Variants in DEPDC1 observed in about 807,000 individuals in gnomAD.
The protein encoded by DEPDC1 is DEP domain containing 1.
In DEPDC1, 66 loss-of-function variants were observed where a neutral mutation model predicts 86.8. That is an observed-to-expected ratio of 0.76 (90% CI 0.62 to 0.93). The LOEUF (loss-of-function observed/expected upper bound fraction) is 0.93. Ranked by LOEUF, DEPDC1 falls within the 40% of genes least tolerant of loss-of-function variation. The pLI, the probability that DEPDC1 is intolerant of heterozygous loss-of-function variation, is 0.00. For synonymous variants in DEPDC1, 255 were observed against 314.9 expected (o/e 0.81, Z 2.02); for missense variants, 792 against 935.7 (o/e 0.85, Z 2.00).
In DEPDC1 at chr1:68,494,561, G is replaced by T. The variant is rs773826271; in HGVS notation, c.183C>A (p.Ser61Arg). 6.2e-7 allele frequency: 1 copy of T among 1,613,692 alleles called. No individual in the cohort carries two copies. The highest frequency in any genetic ancestry group is 1.1e-5 in the South Asian group (1 of 91,066). The stretch of plus-strand genomic sequence containing the variant: ...GCCTTGTAACTTCAGGACCAAAATT[G>T]CTATTATTTCTTAATAGGTCATAAA... ...DWLYDLLRNN[S>R]NFGPEVTRQQ... Residue 61 changes from serine to arginine, a missense_variant, in exon 2 of 12, where the codon AGC becomes AGA. By Grantham distance (110) the Ser-to-Arg change is moderately radical. Coordinates refer to ENST00000456315, the MANE Select transcript of DEPDC1 (RefSeq NM_001114120.3).
chr1:68,496,539 T>C lies in DEPDC1; in HGVS notation c.48+413A>G. 1 of 181,272 alleles carries C rather than the reference T, an allele frequency of 5.5e-6. No homozygotes were observed. The highest frequency in any genetic ancestry group is 1.1e-5 in the Non-Finnish European group (1 of 87,822). 11.2% of individuals were successfully genotyped at this position (181,272 alleles called of 1,614,324 possible). ...TAAACAAAATTGCCACATTCGGGCT[T>C]GCCCCCCACCTAACCCTACAAAGCT... On this transcript the variant is annotated intron_variant, in intron 1 of 11. Transcript: ENST00000456315. This position sits in a 1 kb window ranked among gnomAD's most constrained non-coding sequence, Gnocchi z 4.0.
chr1:68,484,010 G>A lies in DEPDC1; in HGVS notation c.850C>T (p.Leu284=), dbSNP rs750265090. ...DVFRTIADYF[L]DLPEPLLTFE... ...GTAAGTAGAGGTTCAGGGAGATCTA[G>A]AAAATAATCTGCGATTGTTCTGAAT... The change falls in exon 7 of 12, where the codon CTA becomes TTA. Residue 284 remains leucine, a synonymous_variant. Coordinates refer to ENST00000456315, the MANE Select transcript of DEPDC1 (RefSeq NM_001114120.3). 6.3e-7 allele frequency: 1 copy of A among 1,575,382 alleles called. No individual in the cohort carries two copies. Among genetic ancestry groups the A allele is most frequent in the East Asian group, 2.3e-5 (1 of 43,890 alleles).
chr1:68,483,406 C>G (rs2100254013), intron 7 of DEPDC1: 1 of 479,060 alleles, frequency 2.1e-6, no homozygotes, highest in East Asian at 5.7e-5. Flanking sequence ...GAATTTTCAT[C>G]ACCAACTACA....
At chr1:68,478,000 G>A in intron 10 of DEPDC1, 28 bp from the exon 11 acceptor site, 1 of 1,429,276 alleles carries the variant, frequency 7.0e-7, no homozygotes, top group Non-Finnish European at 9.3e-7. Flanking sequence ...ATATAACTCT[G>A]TTAATTCTGG....
chr1:68,482,642 C>A lies in DEPDC1; in HGVS notation c.1166G>T (p.Arg389Ile), dbSNP rs375196214. 22 of 1,612,678 alleles carry A rather than the reference C, an allele frequency of 1.4e-5. No individual in the cohort carries two copies. The highest frequency in any genetic ancestry group is 1.6e-4 in the Middle Eastern group (1 of 6,068). The change falls in exon 8 of 12, where the codon AGA (arginine) becomes ATA (isoleucine). Residue 389 changes from arginine to isoleucine, a missense_variant. Arg to Ile is a moderately conservative substitution (Grantham distance 97, BLOSUM62 -3). Coordinates refer to ENST00000456315, the MANE Select transcript of DEPDC1 (RefSeq NM_001114120.3). ...KMQLVNLRNR[R>I]VSANDIMGGS... ...TCCCATTATGTCATTAGCACTCACT[C>A]TTCTGTTTCTTAAATTAACTAGCTG...
intron 5 of DEPDC1, among the ~76,000 whole-genome samples, chr1:68,487,651 C>T (rs533569179): frequency 2.2e-4 from 34 of 151,870 alleles, no homozygotes; most frequent in Non-Finnish European, 3.2e-4. Flanking sequence ...CCTTTTGCTC[C>T]TACAATTAAA....
In DEPDC1 at chr1:68,482,752, T is replaced by G; in HGVS notation, c.1056A>C (p.Arg352Ser). The change falls in exon 8 of 12, where the codon AGA (arginine) becomes AGC (serine). Residue 352 changes from arginine to serine, a missense_variant. Physicochemically the swap from Arg to Ser is moderately radical, Grantham distance 110. Coordinates refer to ENST00000456315, the MANE Select transcript of DEPDC1 (RefSeq NM_001114120.3). ...TECLLLSLLH[R>S]EKNKEESDST... ...AATCTGATTCTTCTTTGTTTTTTTC[T>G]CTATGAAGCAGACTGAGAAGAAGGC... 6.2e-7 allele frequency: 1 copy of G among 1,612,642 alleles called. No individual in the cohort carries two copies. Among genetic ancestry groups the G allele is most frequent in the Non-Finnish European group, 8.5e-7 (1 of 1,179,260 alleles).
chr1:68,483,843 T>C (rs1412023353), intron 7 of DEPDC1, 107 bp downstream of exon 7: 2 of 745,062 alleles, frequency 2.7e-6, no homozygotes, highest in Admixed American at 6.7e-5. Context: ...TTAAAATAAT[T>C]TGTAGGCTGC....
intron 2 of DEPDC1, among the ~76,000 whole-genome samples, chr1:68,491,116 T>A (rs1394705962): frequency 6.6e-6 from 1 of 152,124 alleles, no homozygotes; most frequent in African/African-American, 2.4e-5. Flanking sequence ...TTCTGGACAT[T>A]AGAATGGGCA....
At position 68,489,516 on chromosome 1, in the gene DEPDC1, C is replaced by T. The variant is rs745331062; in HGVS notation, c.407G>A (p.Ser136Asn). The change falls in exon 3 of 12, where the codon AGC (serine) becomes AAC (asparagine). Residue 136 changes from serine (S) to asparagine (N), a missense_variant. Transcript: ENST00000456315. Reference protein sequence around the residue: ...NIENFSKDKDSIFKLRNLSRR... With the variant: ...NIENFSKDKDNIFKLRNLSRR... ...AGATAAGTTTCGTAATTTAAAAATG[C>T]TATCTTTATCTTTGGAAAAGTTCTC... is the stretch of plus-strand genomic sequence containing the variant. 8.4e-6 allele frequency: 13 copies of T among 1,541,582 alleles called. No homozygotes were observed. In the South Asian group the frequency reaches 1.5e-4, roughly 18 times the overall value.
rs558254992 is a variant in DEPDC1, at chr1:68,485,844, G to T, written c.769+1093C>A. The stretch of plus-strand genomic sequence containing the variant: ...ATATTGACACCCAGTGGACAACAAA[G>T]GAATATAAAGTTACCCTGAACATTA... On this transcript the variant is annotated intron_variant, in intron 6 of 11. Transcript: ENST00000456315. 1.3e-3 allele frequency among the ~76,000 whole-genome samples: 195 copies of T among 151,944 alleles called. 1 individual carries two copies. Among genetic ancestry groups the T allele is most frequent in the African/African-American group, 4.6e-3 (189 of 41,458 alleles).
chr1:68,480,282 A>ACACC, intron 9 of DEPDC1, among the ~76,000 whole-genome samples: 1 of 149,934 alleles, frequency 6.7e-6, no homozygotes, highest in East Asian at 2.0e-4. Flanking sequence ...ACACACACAC[A>ACACC]CCCCTCATTC....
chr1:68,484,209 G>T, intron 6 of DEPDC1, 119 bp from the exon 7 acceptor site: 1 of 698,446 alleles, frequency 1.4e-6, no homozygotes, highest in Non-Finnish European at 2.2e-6. Context: ...AACAAATTCT[G>T]CCACAGTTCA....
At chr1:68,481,893 C>T in intron 8 of DEPDC1, 153 bp downstream of exon 8, 1 of 781,658 alleles carries the variant, frequency 1.3e-6, no homozygotes. Flanking sequence ...CAGAATAAAT[C>T]TTGGTTATGT....
chr1:68,478,756 C>T (rs1646133899), intron 10 of DEPDC1, among the ~76,000 whole-genome samples: 1 of 152,020 alleles, frequency 6.6e-6, no homozygotes, highest in Admixed American at 6.6e-5. Flanking sequence ...CTATCTCCAT[C>T]CTACTCACTC....
At position 68,482,904 on chromosome 1, in the gene DEPDC1, G is replaced by A; in HGVS notation, c.911-7C>T. 16 of 1,533,524 alleles carry A rather than the reference G, an allele frequency of 1.0e-5. No homozygotes were observed. In the South Asian group the frequency reaches 1.0e-4, roughly 10 times the overall value. 95.0% of individuals were successfully genotyped at this position (1,533,524 alleles called of 1,614,324 possible). On this transcript the variant is annotated splice_polypyrimidine_tract_variant and splice_region_variant and intron_variant, in intron 7 of 11. Transcript: ENST00000456315. ...GTGATGTAGCCACAAACAACTACCA[G>A]GAAATGAAACAAAAATTAAGATGCA...
At position 68,474,258 on chromosome 1, in the gene DEPDC1, T is replaced by C. The variant is rs905226390; in HGVS notation, c.*2674A>G. 2.0e-5 allele frequency: 3 copies of C among 152,138 alleles called. No individual in the cohort carries two copies. Among genetic ancestry groups the C allele is most frequent in the Non-Finnish European group, 4.4e-5 (3 of 68,018 alleles). The allele number at this position is 152,138 out of a possible 1,614,324, so 9.4% of individuals were successfully genotyped here. ...GCTTGCTAAATTCAAGATTTAAATATATTGCCTTTCTTTCACTACAATCAC... is the reference window on the plus strand; with the variant it reads ...GCTTGCTAAATTCAAGATTTAAATACATTGCCTTTCTTTCACTACAATCAC... On this transcript the variant is annotated 3_prime_UTR_variant, in exon 12 of 12. Transcript: ENST00000456315.
intron 6 of DEPDC1, among the ~76,000 whole-genome samples, chr1:68,485,435 C>T (rs1204492256): frequency 6.6e-6 from 1 of 152,054 alleles, no homozygotes; most frequent in Non-Finnish European, 1.5e-5. Flanking sequence ...ATACTGATTA[C>T]TAATTCCTAC....
intron 1 of DEPDC1, 101 bp from the exon 2 acceptor site, chr1:68,494,796 G>A: frequency 1.1e-6 from 1 of 879,664 alleles, no homozygotes; most frequent in Non-Finnish European, 1.7e-6. Flanking sequence ...ATTCACATCT[G>A]ATTATATCAT....
Sources: allele counts gnomAD v4.1 joint callset (sites outside exome capture counted in the v4.1 genomes callset), GRCh38; gene constraint gnomAD v4.1.1; non-coding constraint Gnocchi (gnomAD v3.1); transcripts MANE v1.5; gene names NCBI Gene and HGNC (gene_info 2026-07-23, HGNC 2026-07-21).